The following KCNAB1 variants were observed in gnomAD, a reference collection of about 807,000 sequenced individuals.
KCNAB1 encodes voltage-gated potassium channel subunit beta-1.
Under a neutral mutation model 64.6 loss-of-function variants are expected in KCNAB1, and 35 were observed. The ratio of observed to expected loss-of-function variants is 0.54; its 90% CI spans 0.41 to 0.72. KCNAB1 has a LOEUF of 0.72. Among genes scored for constraint, KCNAB1 ranks in the 30% least tolerant of loss-of-function variants. The pLI is 0.00. For missense variants in KCNAB1, 401 were observed against 512.9 expected (o/e 0.78, Z 2.11); for synonymous variants, 177 against 183.8 (o/e 0.96, Z 0.30).
chr3:156,414,128 T>C (rs567556723), intron 1 of KCNAB1, among the ~76,000 whole-genome samples: 5 of 152,360 alleles, frequency 3.3e-5, no homozygotes, highest in East Asian at 3.9e-4. Context: ...AAGTGAGATA[T>C]TCACCCACAG....
chr3:156,222,929 G>A (rs990440127), intron 1 of KCNAB1, among the ~76,000 whole-genome samples: 8 of 152,178 alleles, frequency 5.3e-5, no homozygotes, highest in African/African-American at 1.9e-4. Flanking sequence ...TATAGCAAAA[G>A]CAGTGCTAAG....
At chr3:156,273,408 A>G (rs1157144316) in intron 1 of KCNAB1, 3 of 329,094 alleles carry the variant, frequency 9.1e-6, no homozygotes, top group Non-Finnish European at 1.8e-5. Context: ...TGGGATGGGT[A>G]ATTCCCCTCT....
rs556924339 is a variant in KCNAB1 at position 156,390,786 on chromosome 3, C to T, written c.276-30830C>T. The stretch of plus-strand genomic sequence containing the variant: ...ATTTTTAGTAGAGATGGAGTTTCAC[C>T]GTGTTAGCCAGGATGGTCTCGATCT... On this transcript the variant is annotated intron_variant, in intron 1 of 13. Transcript: ENST00000490337. Among the ~76,000 whole-genome samples the T allele has an allele frequency of 6.5e-3, 983 of 152,138 alleles. 7 individuals carry two copies. Among genetic ancestry groups the T allele is most frequent in the African/African-American group, 0.022 (928 of 41,488 alleles).
intron 1 of KCNAB1, among the ~76,000 whole-genome samples, chr3:156,259,666 T>C (rs991940333): frequency 3.3e-5 from 5 of 152,178 alleles, no homozygotes; most frequent in African/African-American, 1.2e-4. Flanking sequence ...TTCCTCTGAG[T>C]TGTTCCTTGC....
intron 2 of KCNAB1, among the ~76,000 whole-genome samples, chr3:156,428,850 C>T (rs965929686): frequency 6.6e-6 from 1 of 150,968 alleles, no homozygotes; most frequent in Non-Finnish European, 1.5e-5. Context: ...AGAAAGAACA[C>T]CCCCATACCT....
At chr3:156,355,630 G>A (rs577369957) in intron 1 of KCNAB1, among the ~76,000 whole-genome samples, 2 of 152,078 alleles carry the variant, frequency 1.3e-5, no homozygotes, top group East Asian at 3.9e-4. Flanking sequence ...TGCTAATTTT[G>A]TAAATGAGCA....
At chr3:156,274,581 A>G (rs926349183) in intron 1 of KCNAB1, among the ~76,000 whole-genome samples, 2 of 152,224 alleles carry the variant, frequency 1.3e-5, no homozygotes, top group African/African-American at 4.8e-5. Flanking sequence ...TTAAATAAAA[A>G]AATAACTATC....
intron 1 of KCNAB1, among the ~76,000 whole-genome samples, chr3:156,304,126 T>G (rs1316683359): frequency 6.6e-6 from 1 of 152,246 alleles, no homozygotes; most frequent in African/African-American, 2.4e-5. Flanking sequence ...AATGTTAGTT[T>G]ATCATTTTGC....
At chr3:156,234,764 G>A (rs1479651632) in intron 1 of KCNAB1, among the ~76,000 whole-genome samples, 1 of 152,114 alleles carries the variant, frequency 6.6e-6, no homozygotes, top group Non-Finnish European at 1.5e-5. Context: ...TAGCTACACA[G>A]GTCCATGTAC....
intron 1 of KCNAB1, among the ~76,000 whole-genome samples, chr3:156,130,699 T>C (rs1418964473): frequency 1.3e-5 from 2 of 152,244 alleles, no homozygotes; most frequent in East Asian, 1.9e-4. Context: ...AAAGATGTCA[T>C]TTTAGTAATT....
At chr3:156,320,218 T>C (rs780432894) in intron 1 of KCNAB1, among the ~76,000 whole-genome samples, 18 of 152,240 alleles carry the variant, frequency 1.2e-4, no homozygotes, top group Non-Finnish European at 2.6e-4. Context: ...CCCTCAGTTA[T>C]GCTGCCCTGA....
chr3:156,498,786 G>A (rs1716182834), intron 8 of KCNAB1, among the ~76,000 whole-genome samples: 1 of 152,210 alleles, frequency 6.6e-6, no homozygotes, highest in Admixed American at 6.5e-5. Context: ...CAAAACCATT[G>A]CACACAATGC....
chr3:156,268,954 T>A (rs1404436122), intron 1 of KCNAB1, among the ~76,000 whole-genome samples: 1 of 152,222 alleles, frequency 6.6e-6, no homozygotes, highest in African/African-American at 2.4e-5. Context: ...TCTGGAGAGT[T>A]TCCTCAATGT....
chr3:156,517,600 A>G (rs1717643689), intron 11 of KCNAB1, among the ~76,000 whole-genome samples: 1 of 152,222 alleles, frequency 6.6e-6, no homozygotes, highest in South Asian at 2.1e-4. Context: ...GGAAGAAGGG[A>G]AGCACTGAGA....
chr3:156,162,534 G>A (rs1356062116), intron 1 of KCNAB1, among the ~76,000 whole-genome samples: 1 of 152,126 alleles, frequency 6.6e-6, no homozygotes, highest in Non-Finnish European at 1.5e-5. Flanking sequence ...TGAGGTTGGA[G>A]AGAATCACGG....
intron 1 of KCNAB1, among the ~76,000 whole-genome samples, chr3:156,406,732 A>G (rs542639078): frequency 1.3e-5 from 2 of 152,176 alleles, no homozygotes; most frequent in Admixed American, 1.3e-4. Flanking sequence ...GAGAAAAGAG[A>G]TAGAACCTGA....
intron 1 of KCNAB1, among the ~76,000 whole-genome samples, chr3:156,354,029 ATGTGTGTGTGTATATATATGTGTG>A (rs1224316762): frequency 1.4e-5 from 2 of 139,630 alleles, no homozygotes; most frequent in African/African-American, 2.8e-5. Flanking sequence ...TATTGTCATA[ATGTGTGTGTGTATATATATGTGTG>A]TGTGTGTGTG....
intron 1 of KCNAB1, among the ~76,000 whole-genome samples, chr3:156,373,637 T>C (rs962435873): frequency 6.6e-6 from 1 of 152,016 alleles, no homozygotes; most frequent in African/African-American, 2.4e-5. Context: ...CAACCCACAG[T>C]TTGTAAGATA....
At chr3:156,469,121 A>G (rs1033612918) in intron 7 of KCNAB1, among the ~76,000 whole-genome samples, 28 of 152,182 alleles carry the variant, frequency 1.8e-4, no homozygotes, top group African/African-American at 6.8e-4. Context: ...GTTAGCAAAG[A>G]AATATAAAAT....
Sources: gnomAD v4.1 joint callset for allele counts (sites outside exome capture counted in the v4.1 genomes callset) on GRCh38, gnomAD v4.1.1 for gene constraint, MANE v1.5 for transcripts, NCBI Gene and HGNC (gene_info 2026-07-23, HGNC 2026-07-21) for gene names.